PTPRD: variants seen among roughly 807,000 people sequenced by gnomAD.
PTPRD encodes the protein protein tyrosine phosphatase receptor type D, also known as receptor-type tyrosine-protein phosphatase delta.
In PTPRD, 34 loss-of-function variants were observed where a neutral mutation model predicts 214.5. That is an observed-to-expected ratio of 0.16 (90% CI 0.12 to 0.21). The LOEUF (loss-of-function observed/expected upper bound fraction) is 0.21, where lower values mean the gene tolerates loss of function less well. Among genes scored for constraint, PTPRD ranks in the 10% least tolerant of loss-of-function variants. The pLI, the probability that PTPRD is intolerant of heterozygous loss-of-function variation, is 1.00. For synonymous variants in PTPRD, 1,128 were observed against 845.7 expected (o/e 1.33, Z -5.79); for missense variants, 2,545 against 2,398.7 (o/e 1.06, Z -1.27).
At chr9:10,239,979 G>C (rs943676364) in intron 3 of PTPRD, among the ~76,000 whole-genome samples, 1 of 151,860 alleles carries the variant, frequency 6.6e-6, no homozygotes, top group Non-Finnish European at 1.5e-5. Context: ...TGGCCATTAA[G>C]AGATTAAGAC....
chr9:10,461,810 C>G (rs1027489140), intron 2 of PTPRD, among the ~76,000 whole-genome samples: 1 of 151,716 alleles, frequency 6.6e-6, no homozygotes, highest in African/African-American at 2.4e-5. Context: ...TTAGTAGAGA[C>G]GGGGTTTAAC....
chr9:9,932,667 A>G (rs1602684904), intron 5 of PTPRD, among the ~76,000 whole-genome samples: 1 of 112,158 alleles, frequency 8.9e-6, no homozygotes, highest in Non-Finnish European at 1.8e-5. Context: ...GATATTATCC[A>G]GGAGAACTTC....
At chr9:10,363,759 C>T (rs1294644889) in intron 2 of PTPRD, among the ~76,000 whole-genome samples, 1 of 151,610 alleles carries the variant, frequency 6.6e-6, no homozygotes, top group East Asian at 1.9e-4. Context: ...AAATGTGACC[C>T]CTTATGGGTT....
At chr9:8,819,674 T>G (rs2154526136) in intron 11 of PTPRD, among the ~76,000 whole-genome samples, 1 of 152,234 alleles carries the variant, frequency 6.6e-6, no homozygotes, top group Middle Eastern at 3.4e-3. Context: ...AAAAAAGCTC[T>G]TTGTGAAACT....
intron 2 of PTPRD, among the ~76,000 whole-genome samples, chr9:10,582,596 C>T (rs1276331101): frequency 6.6e-6 from 1 of 152,142 alleles, no homozygotes; most frequent in Non-Finnish European, 1.5e-5. Context: ...GATGACTAGC[C>T]ATCTAACCTT....
intron 15 of PTPRD, chr9:8,528,323 T>A: frequency 2.1e-6 from 1 of 482,446 alleles, no homozygotes; most frequent in Admixed American, 3.8e-5. Flanking sequence ...AAGCAGTAAA[T>A]TAAAAAATTA....
chr9:9,170,031 T>G (rs958675745), intron 10 of PTPRD, among the ~76,000 whole-genome samples: 1 of 152,198 alleles, frequency 6.6e-6, no homozygotes, highest in African/African-American at 2.4e-5. Flanking sequence ...TTGTATTTAT[T>G]TTATTGTAGG....
intron 3 of PTPRD, among the ~76,000 whole-genome samples, chr9:10,145,769 A>C (rs2099017984): frequency 6.6e-6 from 1 of 152,108 alleles, no homozygotes; most frequent in Non-Finnish European, 1.5e-5. Flanking sequence ...GACATGTATA[A>C]CAGAAAAAAT....
At chr9:9,842,491 G>A (rs1312973418) in intron 5 of PTPRD, among the ~76,000 whole-genome samples, 1 of 151,444 alleles carries the variant, frequency 6.6e-6, no homozygotes, top group Admixed American at 6.6e-5. Context: ...AAATAAGAAG[G>A]AAGAAAGAGA....
chr9:8,392,928 G>A (rs2090063586), intron 36 of PTPRD, among the ~76,000 whole-genome samples: 2 of 152,118 alleles, frequency 1.3e-5, no homozygotes, highest in South Asian at 4.1e-4. Flanking sequence ...ACCCCAGATT[G>A]GAAGCTAAAG....
chr9:10,419,484 A>T (rs2098526236), intron 2 of PTPRD, among the ~76,000 whole-genome samples: 1 of 151,918 alleles, frequency 6.6e-6, no homozygotes, highest in Admixed American at 6.6e-5. Context: ...ACTGAGATAA[A>T]GATAAAACAG....
intron 8 of PTPRD, among the ~76,000 whole-genome samples, chr9:9,411,957 G>C (rs940673023): frequency 1.3e-5 from 2 of 152,184 alleles, no homozygotes; most frequent in Non-Finnish European, 2.9e-5. Flanking sequence ...TGAAGAAACT[G>C]AGGCCAGGAA....
chr9:10,355,612 G>A (rs552891893), intron 2 of PTPRD, among the ~76,000 whole-genome samples: 2 of 151,690 alleles, frequency 1.3e-5, no homozygotes, highest in Non-Finnish European at 2.9e-5. Flanking sequence ...CAGAGTAGCT[G>A]GGATTACAGG....
chr9:9,754,885 T>C (rs2098553987), intron 6 of PTPRD, among the ~76,000 whole-genome samples: 1 of 152,054 alleles, frequency 6.6e-6, no homozygotes, highest in Admixed American at 6.6e-5. Context: ...TTACCAATGC[T>C]TTTAGAAGAA....
intron 11 of PTPRD, among the ~76,000 whole-genome samples, chr9:8,995,523 G>T (rs1232985611): frequency 1.3e-5 from 2 of 151,990 alleles, no homozygotes; most frequent in African/African-American, 2.4e-5. Context: ...ACACATGAAG[G>T]TGTATGGGGC....
intron 5 of PTPRD, among the ~76,000 whole-genome samples, chr9:9,831,798 G>A (rs953029713): frequency 6.6e-6 from 1 of 151,940 alleles, no homozygotes. Flanking sequence ...TCACCAAGGT[G>A]GAGGGATGTA....
intron 2 of PTPRD, among the ~76,000 whole-genome samples, chr9:10,494,724 A>G (rs1194210417): frequency 6.6e-6 from 1 of 151,278 alleles, no homozygotes; most frequent in Non-Finnish European, 1.5e-5. Context: ...GTTATTTAAT[A>G]TAAAAATTTT....
chr9:9,776,481 G>C (rs577292769), intron 5 of PTPRD, among the ~76,000 whole-genome samples: 3 of 151,968 alleles, frequency 2.0e-5, no homozygotes, highest in Non-Finnish European at 4.4e-5. Context: ...CTAGCATCTA[G>C]CATAATGCCT....
intron 7 of PTPRD, among the ~76,000 whole-genome samples, chr9:9,612,787 T>C (rs1456199556): frequency 4.6e-5 from 7 of 152,144 alleles, no homozygotes; most frequent in Admixed American, 6.6e-5. Flanking sequence ...TTCATGTTGA[T>C]ATAAGAAACA....
Sources: gnomAD v4.1 joint callset for allele counts (sites outside exome capture counted in the v4.1 genomes callset) on GRCh38, gnomAD v4.1.1 for gene constraint, MANE v1.5 for transcripts, NCBI Gene and HGNC (gene_info 2026-07-23, HGNC 2026-07-21) for gene names.